Variants in WASHC4 observed in about 807,000 individuals in gnomAD.
WASHC4 encodes the protein WASH complex subunit 4.
A neutral mutation model predicts 166.6 loss-of-function variants in WASHC4; 86 were observed. The ratio of observed to expected loss-of-function variants is 0.52; its 90% CI spans 0.43 to 0.62. The LOEUF is 0.62. Among genes scored for constraint, WASHC4 ranks in the 20% least tolerant of loss-of-function variants. The pLI, the probability that WASHC4 is intolerant of heterozygous loss-of-function variation, is 0.00. For synonymous variants in WASHC4, 446 were observed against 451.6 expected (o/e 0.99, Z 0.16); for missense variants, 1,262 against 1,382.4 (o/e 0.91, Z 1.38).
chr12:105,128,182 C>A (rs1041613773), intron 13 of WASHC4, among the ~76,000 whole-genome samples: 1 of 152,156 alleles, frequency 6.6e-6, no homozygotes, highest in Non-Finnish European at 1.5e-5. Flanking sequence ...GAAGGAAGAT[C>A]ATGTCATTTT....
At position 105,164,272 on chromosome 12, in the gene WASHC4, A is replaced by C; in HGVS notation, c.3319A>C (p.Asn1107His). 6.2e-7 allele frequency: 1 copy of C among 1,614,110 alleles called. No individual in the cohort carries two copies. The change falls in exon 31 of 33, where the codon AAT becomes CAT. Residue 1107 changes from asparagine (N) to histidine (H), a missense_variant. Asn to His is a moderately conservative substitution (Grantham distance 68). Transcript: ENST00000332180. ...AGATGAAAAACTCTTACAAACCATG[A>C]ATCTCACTCAGAAGCGACTGGATGT... ...SQDEKLLQTM[N>H]LTQKRLDVYL...
At position 105,141,202 on chromosome 12, in the gene WASHC4, A is replaced by G. The variant is rs1882817206; in HGVS notation, c.1743A>G (p.Gln581=). Residue 581 remains glutamine, a synonymous_variant, in exon 18 of 33, where the codon CAA becomes CAG. Transcript: ENST00000332180. ...AAGATGAAGAACTCTTTCCACTTCA[A>G]GTAGTCATGAAAAAACTGGATCTTA... ...TFKDEELFPL[Q]VVMKKLDLIS... The G allele has an allele frequency of 4.3e-6, 7 of 1,613,428 alleles. No individual in the cohort carries two copies. The highest frequency in any genetic ancestry group is 1.6e-4 in the Middle Eastern group (1 of 6,080).
chr12:105,131,669 C>G (rs879306585), intron 13 of WASHC4, among the ~76,000 whole-genome samples: 2 of 152,132 alleles, frequency 1.3e-5, no homozygotes, highest in Non-Finnish European at 2.9e-5. Flanking sequence ...TGATCACAAC[C>G]TCCTCCTCAA....
intron 29 of WASHC4, among the ~76,000 whole-genome samples, chr12:105,161,859 G>C (rs1311519096): frequency 6.6e-6 from 1 of 152,150 alleles, no homozygotes; most frequent in Non-Finnish European, 1.5e-5. Flanking sequence ...CTAGAGCTGT[G>C]CTATCCATGT....
rs1473641387 is a variant in WASHC4 at position 105,164,300 on chromosome 12, A to G, written c.3347A>G (p.Tyr1116Cys). 4 of 1,613,496 alleles carry G rather than the reference A, an allele frequency of 2.5e-6. No homozygotes were observed. Among genetic ancestry groups the G allele is most frequent in the African/African-American group, 1.3e-5 (1 of 75,062 alleles). The stretch of plus-strand genomic sequence containing the variant: ...CTCACTCAGAAGCGACTGGATGTCT[A>G]TCTACAGGTAGAGAGGAGCCTAAGA... ...MNLTQKRLDV[Y>C]LQEFELLYFS... Residue 1116 changes from tyrosine (Y) to cysteine (C), a missense_variant, in exon 31 of 33, where the codon TAT (tyrosine) becomes TGT (cysteine). Coordinates refer to ENST00000332180, the MANE Select transcript of WASHC4 (RefSeq NM_015275.3).
chr12:105,116,899 G>A (rs533014309), intron 6 of WASHC4, among the ~76,000 whole-genome samples: 4 of 152,286 alleles, frequency 2.6e-5, no homozygotes. Flanking sequence ...TGGGAGCTTG[G>A]AGAAGAAGCC....
chr12:105,108,643 A>G (rs576589730), intron 1 of WASHC4, among the ~76,000 whole-genome samples: 2 of 152,234 alleles, frequency 1.3e-5, no homozygotes, highest in Non-Finnish European at 2.9e-5. Flanking sequence ...GTGAAACTCT[A>G]CTTGAAATAA....
chr12:105,141,041 A>G lies in WASHC4; in HGVS notation c.1703A>G (p.Gln568Arg), dbSNP rs531620619. 6.2e-7 allele frequency: 1 copy of G among 1,614,190 alleles called. No individual in the cohort carries two copies. Among genetic ancestry groups the G allele is most frequent in the Admixed American group, 1.7e-5 (1 of 60,030 alleles). Residue 568 changes from glutamine to arginine, a missense_variant, in exon 17 of 33, where the codon CAA becomes CGA. Gln to Arg is a conservative substitution (Grantham distance 43). Transcript: ENST00000332180. Reference sequence around the variant, plus strand: ...TCTTTGGCACTAAGTGTTGGCACACAAATGGTAAGTGTATTGCTATTACTT... The same window carrying G: ...TCTTTGGCACTAAGTGTTGGCACACGAATGGTAAGTGTATTGCTATTACTT... ...IVSLALSVGT[Q>R]MKTFKDEELF... is the part of the protein sequence containing the mutation.
intron 13 of WASHC4, among the ~76,000 whole-genome samples, chr12:105,133,022 T>C (rs1882000337): frequency 6.6e-6 from 1 of 152,142 alleles, no homozygotes; most frequent in Non-Finnish European, 1.5e-5. Flanking sequence ...TATTTTCAAC[T>C]CATCAGATCC....
chr12:105,121,393 C>T (rs1039328053), intron 9 of WASHC4, among the ~76,000 whole-genome samples, 189 bp downstream of exon 9: 3 of 152,090 alleles, frequency 2.0e-5, no homozygotes, highest in Non-Finnish European at 2.9e-5. Flanking sequence ...TTTGTTGGGA[C>T]GAGTATAATA....
intron 14 of WASHC4, among the ~76,000 whole-genome samples, chr12:105,134,940 CCTCT>C (rs1192957739): frequency 6.6e-6 from 1 of 151,576 alleles, no homozygotes; most frequent in African/African-American, 2.4e-5. Context: ...TATTTCTCCT[CCTCT>C]CTATTAGTTT....
chr12:105,127,114 C>G lies in WASHC4; in HGVS notation c.1039-15C>G. 6.2e-7 allele frequency: 1 copy of G among 1,609,978 alleles called. No homozygotes were observed. The highest frequency in any genetic ancestry group is 8.5e-7 in the Non-Finnish European group (1 of 1,176,624). ...GCATTTAATGAATTTTCCCCTTTTC[C>G]CTTTTCTGTTTCAGGTACCAGCCAT... On this transcript the variant is annotated splice_polypyrimidine_tract_variant and intron_variant, in intron 12 of 32. Transcript: ENST00000332180.
intron 26 of WASHC4, among the ~76,000 whole-genome samples, chr12:105,154,028 A>G (rs1592912194): frequency 6.7e-6 from 1 of 150,166 alleles, no homozygotes; most frequent in South Asian, 2.1e-4. Flanking sequence ...TAGAAAATAT[A>G]AATTCTTTTT....
intron 18 of WASHC4, 101 bp downstream of exon 18, chr12:105,141,347 G>A (rs1336999905): frequency 4.5e-6 from 4 of 881,084 alleles, no homozygotes; most frequent in African/African-American, 3.3e-5. Flanking sequence ...AATTCAGATC[G>A]AGCATTAGTT....
rs537604529 is a variant in WASHC4, at chr12:105,154,309, G to T, written c.2758+1858G>T. Among the ~76,000 whole-genome samples the T allele has an allele frequency of 1.2e-4, 19 of 152,286 alleles. No homozygotes were observed. The South Asian group carries it at 1.7e-3, about 13-fold the overall frequency. On this transcript the variant is annotated intron_variant, in intron 26 of 32. Transcript: ENST00000332180. ...GTCCCAAAGTGCTGGGATTACAGGC[G>T]TGAGCCACTGCGCCCGGCCAATACA...
chr12:105,110,252 C>A (rs536587319), intron 1 of WASHC4, among the ~76,000 whole-genome samples: 1 of 152,158 alleles, frequency 6.6e-6, no homozygotes, highest in Non-Finnish European at 1.5e-5. Flanking sequence ...AACACACTTT[C>A]TCTTACTTGC....
chr12:105,164,555 TAA>T lies in WASHC4; in HGVS notation c.3355-85_3355-84del, dbSNP rs143978580. ...CCACTAGAGCTTTTAAAAATAATAA[TAA>T]GAGGCATAAAAATGCATATATTTTT... On this transcript the variant is annotated intron_variant, in intron 31 of 32. Coordinates refer to ENST00000332180, the MANE Select transcript of WASHC4 (RefSeq NM_015275.3). 4,737 of 924,982 alleles carry T rather than the reference TAA, an allele frequency of 5.1e-3. 219 individuals carry two copies. The East Asian group carries it at 0.099, about 19-fold the overall frequency. The allele number at this position is 924,982 out of a possible 1,614,324, so 57.3% of individuals were successfully genotyped here.
Position 105,147,029 on chromosome 12 carries a change from T to G in WASHC4, c.2410-13T>G, listed in dbSNP as rs1347743866. 1 of 1,478,376 alleles carries G rather than the reference T, an allele frequency of 6.8e-7. No homozygotes were observed. Among genetic ancestry groups the G allele is most frequent in the Admixed American group, 1.7e-5 (1 of 59,830 alleles). 91.6% of individuals were successfully genotyped at this position (1,478,376 alleles called of 1,614,324 possible). On this transcript the variant is annotated splice_polypyrimidine_tract_variant and intron_variant, in intron 23 of 32. Transcript: ENST00000332180. ...GTTGCGTTGTTACTGAGCATAAATTTGTTTCATTGCAGATTTTTATTGAAC... is the reference window on the plus strand; with the variant it reads ...GTTGCGTTGTTACTGAGCATAAATTGGTTTCATTGCAGATTTTTATTGAAC...
chr12:105,142,649 A>G, intron 19 of WASHC4, 91 bp downstream of exon 19: 2 of 644,280 alleles, frequency 3.1e-6, no homozygotes, highest in South Asian at 1.6e-5. Flanking sequence ...TTGATTTAAT[A>G]AACTTTTAAA....
Sources: allele counts gnomAD v4.1 joint callset (sites outside exome capture counted in the v4.1 genomes callset), GRCh38; gene constraint gnomAD v4.1.1; transcripts MANE v1.5; gene names NCBI Gene and HGNC (gene_info 2026-07-23, HGNC 2026-07-21).